Variants in STK3 observed in about 807,000 individuals in gnomAD.
The protein encoded by STK3 is serine/threonine-protein kinase 3.
Under a neutral mutation model 58.0 loss-of-function variants are expected in STK3, and 41 were observed. The ratio of observed to expected loss-of-function variants is 0.71; its 90% CI spans 0.55 to 0.92. STK3 has a LOEUF of 0.92. STK3 is among the 40% of genes least tolerant of loss of function. The pLI is 0.00. For missense variants in STK3, 479 were observed against 602.7 expected, an observed-to-expected ratio of 0.79 and a Z score of 2.15; for synonymous variants, 170 against 191.0, an observed-to-expected ratio of 0.89 and a Z score of 0.91.
chr8:98,762,361 T>C, intron 3 of STK3, among the ~76,000 whole-genome samples: 1 of 152,364 alleles, frequency 6.6e-6, no homozygotes, highest in South Asian at 2.1e-4. Flanking sequence ...GTTCAAGTGA[T>C]TCTCCTGCCT....
At chr8:98,744,727 TATA>T (rs1420772723) in intron 4 of STK3, among the ~76,000 whole-genome samples, 2 of 151,854 alleles carry the variant, frequency 1.3e-5, no homozygotes, top group Admixed American at 6.6e-5. Context: ...AAACTTAAAG[TATA>T]ATAATAATTA....
rs1322405052 is a variant in STK3, at chr8:98,585,065, A to G, written c.823-5276T>C. ...TAGGTTGCCTGTTCACTCTGATGGT[A>G]GTTTCTTTTGCTGTGCAGAAGCTCT... On this transcript the variant is annotated intron_variant, in intron 7 of 10. Transcript: ENST00000419617. 2.0e-5 allele frequency among the ~76,000 whole-genome samples: 3 copies of G among 150,162 alleles called. No individual in the cohort carries two copies. The East Asian group carries it at 5.9e-4, about 29-fold the overall frequency.
At chr8:98,610,650 C>T (rs1039757859) in intron 6 of STK3, among the ~76,000 whole-genome samples, 3 of 152,092 alleles carry the variant, frequency 2.0e-5, no homozygotes, top group Admixed American at 6.6e-5. Context: ...GGAAGATGCC[C>T]GCATAGGCTC....
At chr8:98,614,467 G>A (rs1454306281) in intron 6 of STK3, among the ~76,000 whole-genome samples, 2 of 152,168 alleles carry the variant, frequency 1.3e-5, no homozygotes, top group African/African-American at 2.4e-5. Context: ...CAAGATGGCC[G>A]AATAGGAACA....
chr8:98,535,044 C>A (rs971950157), intron 9 of STK3, among the ~76,000 whole-genome samples: 5 of 152,074 alleles, frequency 3.3e-5, no homozygotes, highest in Non-Finnish European at 5.9e-5. Flanking sequence ...ATCAAGAAGT[C>A]TTAAAATGTG....
intron 1 of STK3, among the ~76,000 whole-genome samples, chr8:98,887,402 C>A (rs1392101468): frequency 6.6e-6 from 1 of 151,974 alleles, no homozygotes; most frequent in Non-Finnish European, 1.5e-5. Context: ...CGAAAAAATC[C>A]AAAATCCAAA....
chr8:98,668,664 TATA>T (rs1182154433), intron 6 of STK3, among the ~76,000 whole-genome samples: 72 of 152,296 alleles, frequency 4.7e-4, no homozygotes, highest in African/African-American at 1.7e-3. Context: ...TACAGCATTA[TATA>T]ATGTTGAACA....
chr8:98,423,464 T>C (rs1008375545), intron 3 of STK3, among the ~76,000 whole-genome samples: 1 of 151,740 alleles, frequency 6.6e-6, no homozygotes, highest in African/African-American at 2.4e-5. Flanking sequence ...GTGGGCAGAG[T>C]GTATCATAGG....
chr8:98,706,462 C>T lies in STK3; in HGVS notation c.684+5G>A. ...AACATTTTCAGCAAACCATAATTTT[C>T]TTACCCTCATTGGATGTATATCAGC... On this transcript the variant is annotated splice_donor_5th_base_variant and intron_variant, in intron 6 of 10. Transcript: ENST00000419617. 1 of 1,603,846 alleles carries T rather than the reference C, an allele frequency of 6.2e-7. No homozygotes were observed. The highest frequency in any genetic ancestry group is 1.1e-5 in the South Asian group (1 of 88,626).
At chr8:98,752,293 A>G (rs1830035502) in intron 3 of STK3, among the ~76,000 whole-genome samples, 1 of 152,158 alleles carries the variant, frequency 6.6e-6, no homozygotes, top group East Asian at 1.9e-4. Context: ...AAATAAGACC[A>G]CACAACTACA....
At chr8:98,404,551 A>T (rs1236623531) in intron 3 of STK3, among the ~76,000 whole-genome samples, 1 of 152,014 alleles carries the variant, frequency 6.6e-6, no homozygotes, top group African/African-American at 2.4e-5. Context: ...ACGGTGGCGG[A>T]TGCCTGTAGT....
At chr8:98,360,291 C>G in the STK3 span, among the ~76,000 whole-genome samples, 1 of 152,212 alleles carries the variant, frequency 6.6e-6, no homozygotes, top group South Asian at 2.1e-4. Context: ...CTGTGCTTAT[C>G]TCTCTTGCAC....
chr8:98,893,498 A>AAG (rs1838321659), intron 1 of STK3, among the ~76,000 whole-genome samples: 3 of 134,632 alleles, frequency 2.2e-5, no homozygotes, highest in Non-Finnish European at 3.3e-5. Flanking sequence ...GAAAGAAAGA[A>AAG]AGAAAGAAAG....
At chr8:98,638,675 T>C (rs1003870838) in intron 6 of STK3, 14 of 152,366 alleles carry the variant, frequency 9.2e-5, no homozygotes, top group African/African-American at 3.4e-4. Flanking sequence ...ATTCCTCCCA[T>C]TGCTTGTTCA....
intron 7 of STK3, among the ~76,000 whole-genome samples, chr8:98,587,927 C>CT (rs965122799): frequency 1.3e-5 from 2 of 151,922 alleles, no homozygotes; most frequent in African/African-American, 4.8e-5. Flanking sequence ...CAACCCCTGC[C>CT]TTTTTTTGTT....
At chr8:98,649,616 T>G (rs1281200802) in intron 6 of STK3, among the ~76,000 whole-genome samples, 2 of 152,246 alleles carry the variant, frequency 1.3e-5, no homozygotes, top group East Asian at 3.8e-4. Flanking sequence ...AACAGACTAT[T>G]GTAATTACAG....
In STK3 at chr8:98,579,806, C is replaced by T; in HGVS notation, c.823-17G>A. ...AAAAGGATGCTAAAAAAGTAAAATT[C>T]AATGGTATAAATTCAAAAGATTTTT... On this transcript the variant is annotated splice_polypyrimidine_tract_variant and intron_variant, in intron 7 of 10. Transcript: ENST00000419617. The T allele has an allele frequency of 6.4e-7, 1 of 1,562,678 alleles. No individual in the cohort carries two copies. The highest frequency in any genetic ancestry group is 1.2e-5 in the South Asian group (1 of 81,564).
intron 1 of STK3, among the ~76,000 whole-genome samples, chr8:98,442,130 T>C (rs140248335): frequency 5.8e-4 from 88 of 152,364 alleles, no homozygotes; most frequent in African/African-American, 1.9e-3. Flanking sequence ...ATTCATTTAG[T>C]GAACCAGCTC....
chr8:98,455,433 AAT>A lies in STK3; in HGVS notation c.*407_*408del, dbSNP rs1183719010. The A allele has an allele frequency of 6.4e-6, 1 of 157,310 alleles. No individual in the cohort carries two copies. Among genetic ancestry groups the A allele is most frequent in the Non-Finnish European group, 1.4e-5 (1 of 71,756 alleles). The allele number at this position is 157,310 out of a possible 1,614,324, so 9.7% of individuals were successfully genotyped here. On this transcript the variant is annotated 3_prime_UTR_variant, in exon 11 of 11. Coordinates refer to ENST00000419617, the MANE Select transcript of STK3 (RefSeq NM_006281.4). ...AAATGAAACAAAGCAAAATAGCATA[AAT>A]AAATAAGTTTACCTAAGGGGATACA...
Sources: allele counts gnomAD v4.1 joint callset (sites outside exome capture counted in the v4.1 genomes callset), GRCh38; gene constraint gnomAD v4.1.1; transcripts MANE v1.5; gene names NCBI Gene and HGNC (gene_info 2026-07-23, HGNC 2026-07-21).